The following ANKRD17 variants were observed in gnomAD, a reference collection of about 807,000 sequenced individuals.
ANKRD17 encodes ankyrin repeat domain 17, also known as ankyrin repeat domain-containing protein 17.
ANKRD17 carries 19 observed loss-of-function variants against 229.7 expected under a neutral mutation model. That is an observed-to-expected ratio of 0.08 (90% confidence interval 0.06 to 0.12). The LOEUF (loss-of-function observed/expected upper bound fraction) is 0.12. Ranked by LOEUF, ANKRD17 falls within the 10% of genes least tolerant of loss-of-function variation. The pLI is 1.00. For synonymous variants in ANKRD17, 1,112 were observed against 1,146.1 expected (o/e 0.97, Z 0.60); for missense variants, 2,176 against 3,176.8 (o/e 0.68, Z 7.57).
Position 73,153,894 on chromosome 4 carries a change from A to G in ANKRD17, c.1220T>C (p.Leu407Ser). The change falls in exon 6 of 34, where the codon TTA becomes TCA. Residue 407 changes from leucine to serine, a missense_variant. Physicochemically the swap from Leu to Ser is moderately radical, Grantham distance 145. Around this residue, in one of 18 missense-constraint regions of ANKRD17, gnomAD observed 184 missense variants for 357.8 expected, o/e 0.51. Coordinates refer to ENST00000358602, the MANE Select transcript of ANKRD17 (RefSeq NM_032217.5). ...TTATACTGTACCTTTGTAACAAGCT[A>G]AGGTAAGGGCACTCTCTTTAAATTC... is the stretch of plus-strand genomic sequence containing the variant. ...SNEFKESALT[L>S]ACYKGHLEMV... is the part of the protein sequence containing the mutation. The G allele has an allele frequency of 6.3e-7, 1 of 1,592,252 alleles. No individual in the cohort carries two copies. Among genetic ancestry groups the G allele is most frequent in the Non-Finnish European group, 8.5e-7 (1 of 1,170,452 alleles).
At chr4:73,191,337 A>G (rs1272708349) in intron 1 of ANKRD17, among the ~76,000 whole-genome samples, 12 of 61,916 alleles carry the variant, frequency 1.9e-4, no homozygotes, top group African/African-American at 8.4e-4. Context: ...ACCAAAAAAT[A>G]TATATGTGTG....
intron 18 of ANKRD17, among the ~76,000 whole-genome samples, chr4:73,124,675 C>T (rs540053287): frequency 9.2e-5 from 14 of 152,112 alleles, no homozygotes; most frequent in African/African-American, 3.4e-4. Flanking sequence ...TTTCTCCTAC[C>T]GTAAATGCAT....
At chr4:73,121,157 G>A in intron 19 of ANKRD17, 63 bp from the exon 20 acceptor site, 2 of 1,330,314 alleles carry the variant, frequency 1.5e-6, no homozygotes, top group Non-Finnish European at 2.2e-6. Context: ...CAGAAAAATT[G>A]GAGATGATAT....
intron 7 of ANKRD17, among the ~76,000 whole-genome samples, chr4:73,150,450 C>T (rs981620251): frequency 6.6e-6 from 1 of 152,046 alleles, no homozygotes; most frequent in African/African-American, 2.4e-5. Context: ...GTTTTATGCC[C>T]ATTATCTCAT....
At chr4:73,175,879 C>T (rs1734669639) in intron 2 of ANKRD17, among the ~76,000 whole-genome samples, 1 of 151,928 alleles carries the variant, frequency 6.6e-6, no homozygotes, top group South Asian at 2.1e-4. Flanking sequence ...GGAAACTCTC[C>T]AGGACATTAG....
chr4:73,180,384 C>T (rs1294119794), intron 1 of ANKRD17, among the ~76,000 whole-genome samples: 4 of 152,046 alleles, frequency 2.6e-5, no homozygotes, highest in Non-Finnish European at 5.9e-5. Flanking sequence ...CAGAAGATAT[C>T]AAATTTCAAT....
chr4:73,077,597 G>T, intron 31 of ANKRD17, 64 bp from the exon 32 acceptor site: 1 of 1,395,412 alleles, frequency 7.2e-7, no homozygotes, highest in Non-Finnish European at 9.5e-7. Flanking sequence ...CAAATATTTT[G>T]TTTTTCTAAT....
intron 24 of ANKRD17, chr4:73,112,975 A>G (rs1034335219): frequency 3.6e-6 from 2 of 559,356 alleles, no homozygotes; most frequent in African/African-American, 2.0e-5. Context: ...TTTGGTAGAG[A>G]CGGTGTTTTG....
intron 1 of ANKRD17, among the ~76,000 whole-genome samples, chr4:73,194,782 CT>C (rs1737614972): frequency 6.6e-6 from 1 of 152,036 alleles, no homozygotes; most frequent in Admixed American, 6.6e-5. Context: ...AAAAATTAAC[CT>C]GAAATAAATC....
At chr4:73,116,031 A>G (rs1725898735) in intron 22 of ANKRD17, 115 bp from the exon 23 acceptor site, 15 of 778,584 alleles carry the variant, frequency 1.9e-5, no homozygotes, top group South Asian at 1.2e-4. Flanking sequence ...ACTAAATTGC[A>G]TATTTACACT....
intron 30 of ANKRD17, among the ~76,000 whole-genome samples, chr4:73,083,598 A>G (rs752745274): frequency 1.1e-4 from 16 of 152,220 alleles, no homozygotes; most frequent in Non-Finnish European, 1.9e-4. Flanking sequence ...AATGCCCTCA[A>G]TGATACTCTG....
rs1476151741 is a variant in ANKRD17 at position 73,142,253 on chromosome 4, C to T, written c.2218G>A (p.Asp740Asn). The change falls in exon 13 of 34, where the codon GAT (aspartate) becomes AAT (asparagine). Residue 740 changes from aspartate to asparagine, a missense_variant. Coordinates refer to ENST00000358602, the MANE Select transcript of ANKRD17 (RefSeq NM_032217.5). ...DVTQLTPPSH[D>N]LNRAPRVPVQ... ...TTTTAAAATCTTACCCTATTTAAAT[C>T]GTGGGATGGGGGAGTTAACTGAGTG... 3 of 1,544,822 alleles carry T rather than the reference C, an allele frequency of 1.9e-6. No homozygotes were observed. The highest frequency in any genetic ancestry group is 1.7e-6 in the Non-Finnish European group (2 of 1,157,224).
chr4:73,224,150 G>A (rs547111478), intron 1 of ANKRD17, among the ~76,000 whole-genome samples: 1 of 152,286 alleles, frequency 6.6e-6, no homozygotes, highest in South Asian at 2.1e-4. Context: ...CAGCTACTCA[G>A]GTGGCTGCAT....
At chr4:73,125,751 A>T (rs1727367813) in intron 16 of ANKRD17, among the ~76,000 whole-genome samples, 1 of 150,494 alleles carries the variant, frequency 6.6e-6, no homozygotes. Context: ...AAAAAAAAAG[A>T]AAAGAAAAGA....
chr4:73,178,547 T>C (rs952760485), intron 1 of ANKRD17, among the ~76,000 whole-genome samples: 1 of 152,116 alleles, frequency 6.6e-6, no homozygotes, highest in Non-Finnish European at 1.5e-5. Flanking sequence ...TTTGTTTCCA[T>C]GGCCTTCGGG....
At chr4:73,170,421 C>T (rs891768755) in intron 2 of ANKRD17, among the ~76,000 whole-genome samples, 12 of 151,572 alleles carry the variant, frequency 7.9e-5, no homozygotes, top group Non-Finnish European at 1.3e-4. Context: ...GAACCAGCAG[C>T]GACACCCAAG....
rs143812968 is a variant in ANKRD17 at position 73,182,051 on chromosome 4, C to CA, written c.394-4519dup. On this transcript the variant is annotated intron_variant, in intron 1 of 33. Transcript: ENST00000358602. ...CGACAGAGCAAGACTCCGTCCCCAC[C>CA]AAAAAAAAAAAAAAAAAAAAAAAAA... Among the ~76,000 whole-genome samples, 40 of 43,256 alleles carry CA rather than the reference C, an allele frequency of 9.2e-4. 5 individuals are homozygous for CA. Among genetic ancestry groups the CA allele is most frequent in the Admixed American group, 1.8e-3 (4 of 2,244 alleles). 28.4% of individuals were successfully genotyped at this position (43,256 alleles called of 152,430 possible).
chr4:73,077,358 A>C lies in ANKRD17; in HGVS notation c.7584T>G (p.Val2528=). Residue 2528 remains valine, a synonymous_variant, in exon 32 of 34, where the codon GTT becomes GTG. Transcript: ENST00000358602. Reference sequence around the variant, plus strand: ...TAGTACAAAATCAGGACTTTACCCCAACTTTAGGAAAGTCCATGTAGCCTG... The same window carrying C: ...TAGTACAAAATCAGGACTTTACCCCCACTTTAGGAAAGTCCATGTAGCCTG... ...VPAGYMDFPK[V]GGMPFSVYGN... is the part of the protein sequence containing the mutation. 1 of 1,600,612 alleles carries C rather than the reference A, an allele frequency of 6.2e-7. No individual in the cohort carries two copies. The highest frequency in any genetic ancestry group is 8.5e-7 in the Non-Finnish European group (1 of 1,174,974).
In ANKRD17 at chr4:73,151,590, T is replaced by C; in HGVS notation, c.1235-66A>G. 3.3e-6 allele frequency: 4 copies of C among 1,220,698 alleles called. No individual in the cohort carries two copies. The Middle Eastern group carries it at 1.0e-3, about 313-fold the overall frequency. The allele number at this position is 1,220,698 out of a possible 1,614,324, so 75.6% of individuals were successfully genotyped here. A position where few individuals can be genotyped will look rare whatever the true frequency, so the allele number is the denominator to read the frequency against. On this transcript the variant is annotated intron_variant, in intron 6 of 33. Transcript: ENST00000358602. Reference sequence around the variant, plus strand: ...TATTCCAAAATATTTTTTAAAATTATAATATTTTGAAAAGTTATATTTAAC... The same window carrying C: ...TATTCCAAAATATTTTTTAAAATTACAATATTTTGAAAAGTTATATTTAAC...
Sources: allele counts gnomAD v4.1 joint callset (sites outside exome capture counted in the v4.1 genomes callset), GRCh38; gene constraint gnomAD v4.1.1; regional missense constraint gnomAD v4.1.1; transcripts MANE v1.5; gene names NCBI Gene and HGNC (gene_info 2026-07-23, HGNC 2026-07-21).